ARID2: variants seen among roughly 807,000 people sequenced by gnomAD.
ARID2 encodes AT-rich interaction domain 2, also known as AT-rich interactive domain-containing protein 2.
A neutral mutation model predicts 184.6 loss-of-function variants in ARID2; 32 were observed. The observed-to-expected ratio is 0.17, with a 90% CI of 0.13 to 0.23. The LOEUF (loss-of-function observed/expected upper bound fraction) is 0.23, where lower values mean the gene tolerates loss of function less well. ARID2 is among the 10% of genes least tolerant of loss of function. The pLI is 1.00. For missense variants in ARID2, 1,696 were observed against 2,197.6 expected, an observed-to-expected ratio of 0.77 and a Z score of 4.56; for synonymous variants, 836 against 772.6, an observed-to-expected ratio of 1.08 and a Z score of -1.36.
chr12:45,765,655 G>GT (rs1941758590), intron 3 of ARID2, among the ~76,000 whole-genome samples: 1 of 151,972 alleles, frequency 6.6e-6, no homozygotes, highest in African/African-American at 2.4e-5. Context: ...GCATTATTGA[G>GT]ATATATAATT....
chr12:45,739,028 G>A (rs1941191130), intron 3 of ARID2, among the ~76,000 whole-genome samples: 1 of 151,790 alleles, frequency 6.6e-6, no homozygotes, highest in Non-Finnish European at 1.5e-5. Flanking sequence ...GAGTGCAGTG[G>A]TGTGATCTTG....
chr12:45,890,795 A>T (rs1592143952), intron 16 of ARID2, among the ~76,000 whole-genome samples: 2 of 152,110 alleles, frequency 1.3e-5, no homozygotes, highest in South Asian at 4.1e-4. Flanking sequence ...CACGTTAAAA[A>T]CTGGTTCAAA....
chr12:45,893,348 G>A (rs2136461835), intron 18 of ARID2, 72 bp from the exon 19 acceptor site: 1 of 1,511,134 alleles, frequency 6.6e-7, no homozygotes, highest in South Asian at 1.3e-5. Context: ...GGTTGGCAGG[G>A]TGGTCATAGT....
rs371947928 is a variant in ARID2, at chr12:45,891,761, C to T, written c.4923-19C>T. On this transcript the variant is annotated intron_variant, in intron 16 of 20. Transcript: ENST00000334344. ...ATACTTGAATACATCCAAGTGTCTA[C>T]TACTTTTATTTTTTATAGGTGGTTT... The T allele has an allele frequency of 2.2e-5, 36 of 1,608,220 alleles. No individual in the cohort carries two copies. The highest frequency in any genetic ancestry group is 2.9e-5 in the Non-Finnish European group (34 of 1,178,486).
At chr12:45,837,083 T>G in intron 8 of ARID2, 92 bp downstream of exon 8, 1 of 1,462,710 alleles carries the variant, frequency 6.8e-7, no homozygotes, top group Non-Finnish European at 9.2e-7. Flanking sequence ...TTGCCATATT[T>G]ATAGACTATT....
intron 15 of ARID2, among the ~76,000 whole-genome samples, chr12:45,857,467 A>G (rs1943670194): frequency 6.6e-6 from 1 of 152,192 alleles, no homozygotes; most frequent in East Asian, 1.9e-4. Flanking sequence ...AAAGTATTAC[A>G]TAACTTTTTT....
intron 3 of ARID2, among the ~76,000 whole-genome samples, chr12:45,801,163 T>A (rs1397566715): frequency 6.6e-6 from 1 of 151,942 alleles, no homozygotes; most frequent in East Asian, 1.9e-4. Flanking sequence ...ATACAAAAAA[T>A]TAGCCACGCG....
intron 20 of ARID2, among the ~76,000 whole-genome samples, chr12:45,896,989 T>C (rs752096842): frequency 1.4e-4 from 22 of 152,134 alleles, no homozygotes; most frequent in Non-Finnish European, 2.9e-4. Context: ...GCAGAAACAA[T>C]CTTGAGAAAG....
At chr12:45,744,286 A>G (rs769482616) in intron 3 of ARID2, among the ~76,000 whole-genome samples, 3 of 152,150 alleles carry the variant, frequency 2.0e-5, no homozygotes, top group Non-Finnish European at 4.4e-5. Flanking sequence ...CCTGTGATAT[A>G]TGAAAGTATT....
chr12:45,894,688 A>G (rs528517313), intron 20 of ARID2, among the ~76,000 whole-genome samples: 10 of 152,346 alleles, frequency 6.6e-5, no homozygotes, highest in African/African-American at 2.2e-4. Context: ...TTAATCAAGT[A>G]TAAATGAACA....
intron 16 of ARID2, among the ~76,000 whole-genome samples, chr12:45,865,882 T>C (rs949905260): frequency 6.6e-6 from 1 of 152,128 alleles, no homozygotes; most frequent in Admixed American, 6.5e-5. Flanking sequence ...TACTCAAGAC[T>C]CTTAACAAAA....
intron 3 of ARID2, among the ~76,000 whole-genome samples, chr12:45,765,727 A>G (rs1476041340): frequency 6.6e-6 from 1 of 152,148 alleles, no homozygotes; most frequent in Non-Finnish European, 1.5e-5. Flanking sequence ...TATAAAGTAT[A>G]CAATTTGGTA....
In ARID2 at chr12:45,905,768, C is replaced by G. The variant is rs2136473640; in HGVS notation, c.*690C>G. ...AATACATTCTGTGGTGTCCTAGAAG[C>G]ATTATTGGTAGGTTCTAAAGTTTTC... is the stretch of plus-strand genomic sequence containing the variant. On this transcript the variant is annotated 3_prime_UTR_variant, in exon 21 of 21. Coordinates refer to ENST00000334344, the MANE Select transcript of ARID2 (RefSeq NM_152641.4). The G allele has an allele frequency of 4.3e-6, 1 of 232,902 alleles. No individual in the cohort carries two copies. The allele number at this position is 232,902 out of a possible 1,614,324, so 14.4% of individuals were successfully genotyped here.
intron 3 of ARID2, among the ~76,000 whole-genome samples, chr12:45,784,771 C>G (rs1004119416): frequency 2.6e-5 from 4 of 152,174 alleles, no homozygotes; most frequent in African/African-American, 9.7e-5. Flanking sequence ...TTGTAATATT[C>G]TTGACTAATT....
chr12:45,811,248 G>A (rs189875154), intron 3 of ARID2, among the ~76,000 whole-genome samples, 170 bp from the exon 4 acceptor site: 6 of 151,688 alleles, frequency 4.0e-5, no homozygotes, highest in African/African-American at 9.7e-5. Context: ...GTTTATCTGC[G>A]GTTTATCTTA....
chr12:45,789,854 T>A (rs1339951268), intron 3 of ARID2, among the ~76,000 whole-genome samples: 2 of 152,186 alleles, frequency 1.3e-5, no homozygotes, highest in Non-Finnish European at 2.9e-5. Flanking sequence ...TAGTGGCTTA[T>A]GTCTGTAATC....
chr12:45,874,958 A>G (rs144545919), intron 16 of ARID2, among the ~76,000 whole-genome samples: 46 of 152,268 alleles, frequency 3.0e-4, no homozygotes, highest in African/African-American at 1.1e-3. Flanking sequence ...CCTTGTTCCT[A>G]CAAAAAAAAT....
At chr12:45,784,848 G>A (rs868420980) in intron 3 of ARID2, among the ~76,000 whole-genome samples, 1 of 152,286 alleles carries the variant, frequency 6.6e-6, no homozygotes. Flanking sequence ...TAGAGAGTCA[G>A]TTTACACACA....
chr12:45,731,676 A>T (rs992619158), intron 3 of ARID2, among the ~76,000 whole-genome samples: 8 of 152,080 alleles, frequency 5.3e-5, no homozygotes, highest in African/African-American at 1.9e-4. Context: ...CCTTTGGGAA[A>T]ATTTTTTTCT....
Sources: allele counts gnomAD v4.1 joint callset (sites outside exome capture counted in the v4.1 genomes callset), GRCh38; gene constraint gnomAD v4.1.1; transcripts MANE v1.5; gene names NCBI Gene and HGNC (gene_info 2026-07-23, HGNC 2026-07-21).